Variants in ARFGEF1 observed in about 807,000 individuals in gnomAD.
ARFGEF1 encodes the protein ARF guanine nucleotide exchange factor 1.
In ARFGEF1, 42 loss-of-function variants were observed where a neutral mutation model predicts 231.0. The observed-to-expected ratio is 0.18, with a 90% CI of 0.14 to 0.24. The LOEUF is 0.24. Ranked by LOEUF, ARFGEF1 falls within the 10% of genes least tolerant of loss-of-function variation. The probability of loss-of-function intolerance (pLI) is 1.00; values close to 1 mark genes in which losing one functional copy is unlikely to be tolerated. For synonymous variants in ARFGEF1, 710 were observed against 732.3 expected (o/e 0.97, Z 0.49); for missense variants, 1,345 against 2,192.0 (o/e 0.61, Z 7.72).
chr8:67,261,523 T>C (rs982174013), intron 14 of ARFGEF1, among the ~76,000 whole-genome samples: 2 of 152,256 alleles, frequency 1.3e-5, no homozygotes, highest in Admixed American at 1.3e-4. Flanking sequence ...TGAGATCTAC[T>C]GCTTCAAAGA....
At chr8:67,328,680 T>C (rs1434889995) in intron 1 of ARFGEF1, among the ~76,000 whole-genome samples, 1 of 152,190 alleles carries the variant, frequency 6.6e-6, no homozygotes. Flanking sequence ...TTCTGCAACA[T>C]AGTGGTCATT....
downstream of ARFGEF1, chr8:67,175,479 G>C: frequency 6.2e-7 from 1 of 1,609,564 alleles, no homozygotes; most frequent in Non-Finnish European, 8.5e-7. Flanking sequence ...TCAGCACGCT[G>C]TTTTTCCGTA....
intron 23 of ARFGEF1, among the ~76,000 whole-genome samples, chr8:67,231,180 G>A (rs1428470387): frequency 6.6e-6 from 1 of 151,976 alleles, no homozygotes; most frequent in African/African-American, 2.4e-5. Context: ...TGAACATAAC[G>A]ATATGAAAAT....
intron 4 of ARFGEF1, among the ~76,000 whole-genome samples, chr8:67,298,046 C>T (rs1003585600): frequency 6.6e-6 from 1 of 151,828 alleles, no homozygotes; most frequent in African/African-American, 2.4e-5. Flanking sequence ...GATCAAGCAA[C>T]CTTCTTGCCT....
At chr8:67,176,472 A>C (rs1264772487) in intron 5 of ARFGEF1, among the ~76,000 whole-genome samples, 1 of 152,140 alleles carries the variant, frequency 6.6e-6, no homozygotes, top group African/African-American at 2.4e-5. Context: ...CTGGTACAGA[A>C]TTTTTAATAA....
chr8:67,257,653 C>A, intron 17 of ARFGEF1, 79 bp downstream of exon 17: 1 of 1,172,042 alleles, frequency 8.5e-7, no homozygotes, highest in South Asian at 1.4e-5. Flanking sequence ...ACTAAAATTT[C>A]AACTATTACT....
At chr8:67,267,689 A>G (rs1249581887) in intron 10 of ARFGEF1, among the ~76,000 whole-genome samples, 1 of 152,200 alleles carries the variant, frequency 6.6e-6, no homozygotes, top group Non-Finnish European at 1.5e-5. Context: ...CAGCTGCTAC[A>G]AAAGAAATAT....
intron 6 of ARFGEF1, among the ~76,000 whole-genome samples, 185 bp downstream of exon 6, chr8:67,291,662 T>C (rs1806016286): frequency 6.6e-6 from 1 of 152,174 alleles, no homozygotes; most frequent in Non-Finnish European, 1.5e-5. Flanking sequence ...GTATCATTCA[T>C]AGATATCTTG....
intron 17 of ARFGEF1, among the ~76,000 whole-genome samples, chr8:67,253,826 A>T (rs1840371503): frequency 1.3e-5 from 2 of 152,238 alleles, no homozygotes; most frequent in Non-Finnish European, 1.5e-5. Context: ...GCATAAACTA[A>T]TTCATGCTCT....
intron 5 of ARFGEF1, among the ~76,000 whole-genome samples, chr8:67,192,483 A>C (rs1021294149): frequency 6.6e-6 from 1 of 151,976 alleles, no homozygotes; most frequent in African/African-American, 2.4e-5. Flanking sequence ...CTTTTTTCCC[A>C]TTCTGTATCT....
intron 5 of ARFGEF1, among the ~76,000 whole-genome samples, chr8:67,178,490 G>A (rs2129570036): frequency 6.6e-6 from 1 of 152,332 alleles, no homozygotes; most frequent in African/African-American, 2.4e-5. Flanking sequence ...ATTCCAGAAG[G>A]AGGGAGAGAC....
chr8:67,306,716 G>A (rs943959128), intron 1 of ARFGEF1, among the ~76,000 whole-genome samples: 1 of 152,172 alleles, frequency 6.6e-6, no homozygotes, highest in Non-Finnish European at 1.5e-5. Context: ...GCTACTCAAT[G>A]CAAACTGAAG....
chr8:67,276,120 T>C lies in ARFGEF1; in HGVS notation c.1204-11A>G. ...AGAATTTCCAGATTCCTAAACAAGT[T>C]AACATACCATGAAAATTTTAGAGAT... On this transcript the variant is annotated splice_polypyrimidine_tract_variant and intron_variant, in intron 8 of 38. Transcript: ENST00000262215. 3 of 1,612,214 alleles carry C rather than the reference T, an allele frequency of 1.9e-6. No individual in the cohort carries two copies. Among genetic ancestry groups the C allele is most frequent in the Non-Finnish European group, 2.5e-6 (3 of 1,178,898 alleles).
intron 1 of ARFGEF1, among the ~76,000 whole-genome samples, chr8:67,314,765 G>T (rs1356006386): frequency 6.6e-6 from 1 of 152,192 alleles, no homozygotes; most frequent in African/African-American, 2.4e-5. Context: ...ATGCTGCTCT[G>T]TCCGGAGCTG....
intron 35 of ARFGEF1, 145 bp from the exon 36 acceptor site, chr8:67,203,396 C>G: frequency 1.1e-5 from 10 of 911,932 alleles, no homozygotes; most frequent in Non-Finnish European, 1.7e-5. Flanking sequence ...AAGGGAAGGT[C>G]CACCTTCCAG....
At chr8:67,281,708 T>C (rs1445726970) in intron 7 of ARFGEF1, among the ~76,000 whole-genome samples, 1 of 152,032 alleles carries the variant, frequency 6.6e-6, no homozygotes, top group African/African-American at 2.4e-5. Flanking sequence ...GAAAAACTTT[T>C]AGAAATAATA....
At chr8:67,181,338 A>ATTTTT (rs58029238) in intron 5 of ARFGEF1, among the ~76,000 whole-genome samples, 2 of 112,654 alleles carry the variant, frequency 1.8e-5, no homozygotes, top group Non-Finnish European at 3.7e-5. Flanking sequence ...GTACCTGGCC[A>ATTTTT]TTTTTTTTTT....
At chr8:67,315,904 C>A (rs955310533) in intron 1 of ARFGEF1, among the ~76,000 whole-genome samples, 4 of 151,580 alleles carry the variant, frequency 2.6e-5, no homozygotes, top group Non-Finnish European at 5.9e-5. Flanking sequence ...TAAGCTCCCA[C>A]CTTAAGAAAC....
At chr8:67,195,765 G>A, downstream of ARFGEF1, 3 of 596,468 alleles carry the variant, frequency 5.0e-6, no homozygotes, top group South Asian at 6.6e-5. Flanking sequence ...AAAAGGCCAT[G>A]ATTATTGATT....
Sources: allele counts gnomAD v4.1 joint callset (sites outside exome capture counted in the v4.1 genomes callset), GRCh38; gene constraint gnomAD v4.1.1; transcripts MANE v1.5; gene names NCBI Gene and HGNC (gene_info 2026-07-23, HGNC 2026-07-21).